The following WWOX variants were observed in gnomAD, a reference collection of about 807,000 sequenced individuals.
WWOX encodes WW domain containing oxidoreductase, also known as WW domain-containing oxidoreductase.
Under a neutral mutation model 46.2 loss-of-function variants are expected in WWOX, and 69 were observed. The observed-to-expected ratio is 1.49, with a 90% CI of 1.23 to 1.82. The LOEUF (loss-of-function observed/expected upper bound fraction) is 1.82. Ranked by LOEUF, WWOX falls within the 40% of genes most tolerant of loss-of-function variation. WWOX has a pLI of 0.00. For missense variants in WWOX, 919 were observed against 542.6 expected (o/e 1.69, Z -6.89); for synonymous variants, 359 against 202.6 (o/e 1.77, Z -6.56).
At chr16:78,100,043 G>C (rs547843051) in intron 1 of WWOX, 158 bp downstream of exon 1, 2 of 1,428,240 alleles carry the variant, frequency 1.4e-6, no homozygotes, top group Non-Finnish European at 1.8e-6. Flanking sequence ...AGGGTTCCCA[G>C]TAGGGGCCGG....
chr16:78,569,252 A>C (rs989992304), intron 8 of WWOX, among the ~76,000 whole-genome samples: 1 of 152,214 alleles, frequency 6.6e-6, no homozygotes, highest in East Asian at 1.9e-4. Context: ...TTGTCTCTCT[A>C]TATTGTTATT....
chr16:78,606,220 T>C (rs1335321891), intron 8 of WWOX, among the ~76,000 whole-genome samples: 1 of 152,214 alleles, frequency 6.6e-6, no homozygotes, highest in East Asian at 1.9e-4. Flanking sequence ...CATACTTCTT[T>C]TCAACAAAAA....
chr16:78,388,229 C>A (rs943231913), intron 6 of WWOX, among the ~76,000 whole-genome samples: 1 of 152,188 alleles, frequency 6.6e-6, no homozygotes, highest in Non-Finnish European at 1.5e-5. Flanking sequence ...TAGGGTTTCA[C>A]CATATTGGTC....
At chr16:78,492,861 T>G (rs995229898) in intron 8 of WWOX, among the ~76,000 whole-genome samples, 3 of 152,166 alleles carry the variant, frequency 2.0e-5, no homozygotes, top group Admixed American at 1.3e-4. Flanking sequence ...CCCTTGAGCC[T>G]GGAGACGGCA....
At chr16:79,124,662 G>T (rs1185254270) in intron 8 of WWOX, among the ~76,000 whole-genome samples, 1 of 152,202 alleles carries the variant, frequency 6.6e-6, no homozygotes, top group Non-Finnish European at 1.5e-5. Context: ...GCTGTTGATG[G>T]CAAGAAAAGA....
intron 8 of WWOX, among the ~76,000 whole-genome samples, chr16:79,207,478 C>G (rs1342826137): frequency 1.3e-5 from 2 of 152,216 alleles, no homozygotes; most frequent in African/African-American, 4.8e-5. Context: ...GGGTTCATTC[C>G]TTTCATAACT....
chr16:78,383,992 A>C (rs2082008903), intron 5 of WWOX, among the ~76,000 whole-genome samples: 1 of 152,178 alleles, frequency 6.6e-6, no homozygotes, highest in African/African-American at 2.4e-5. Flanking sequence ...AACCAAAAGA[A>C]AACTTAGCAG....
chr16:78,448,933 T>C (rs1215234533), intron 8 of WWOX, among the ~76,000 whole-genome samples: 1 of 152,236 alleles, frequency 6.6e-6, no homozygotes, highest in African/African-American at 2.4e-5. Flanking sequence ...TTGGGTCGGC[T>C]ATCTTGCTTC....
intron 8 of WWOX, among the ~76,000 whole-genome samples, chr16:78,666,843 A>C (rs932813602): frequency 2.0e-5 from 3 of 152,244 alleles, no homozygotes; most frequent in African/African-American, 7.2e-5. Flanking sequence ...CATGCCATGC[A>C]GCGTTCTACG....
intron 5 of WWOX, among the ~76,000 whole-genome samples, chr16:78,239,995 TGG>T (rs201635808): frequency 3.8e-4 from 33 of 86,044 alleles, no homozygotes; most frequent in African/African-American, 1.5e-3. Flanking sequence ...GCTGTCAGTG[TGG>T]GTGTGAGTTG....
Position 78,261,788 on chromosome 16 carries a change from C to CTAGAGATATATATATATA in WWOX, c.516+97501_516+97502insGAGATATATATATATATA, listed in dbSNP as rs1491587303. ...TCTATCTATGTATCTATCTATCTAT[C>CTAGAGATATATATATATA]TATATATATATATATATATATATAT... On this transcript the variant is annotated intron_variant, in intron 5 of 8. Transcript: ENST00000566780. 3.0e-3 allele frequency among the ~76,000 whole-genome samples: 223 copies of CTAGAGATATATATATATA among 73,718 alleles called. 3 individuals are homozygous for CTAGAGATATATATATATA. Among genetic ancestry groups the CTAGAGATATATATATATA allele is most frequent in the African/African-American group, 0.011 (195 of 17,422 alleles). The allele number at this position is 73,718 out of a possible 152,430, so 48.4% of individuals were successfully genotyped here.
At chr16:78,837,772 T>A (rs972078536) in intron 8 of WWOX, among the ~76,000 whole-genome samples, 4 of 152,234 alleles carry the variant, frequency 2.6e-5, no homozygotes, top group African/African-American at 9.6e-5. Flanking sequence ...ACCATCTATC[T>A]ATACTTCCTA....
At chr16:79,208,131 C>T (rs921712303) in intron 8 of WWOX, among the ~76,000 whole-genome samples, 8 of 152,150 alleles carry the variant, frequency 5.3e-5, no homozygotes, top group African/African-American at 1.4e-4. Context: ...AAACAAGAGT[C>T]CTGGGTAATT....
intron 5 of WWOX, among the ~76,000 whole-genome samples, chr16:78,208,070 C>T (rs575736990): frequency 1.1e-4 from 16 of 152,190 alleles, no homozygotes; most frequent in Non-Finnish European, 2.1e-4. Context: ...GCCTTGGCTT[C>T]CCAAAATGCT....
intron 8 of WWOX, among the ~76,000 whole-genome samples, chr16:78,439,951 G>A (rs2083409680): frequency 6.6e-6 from 1 of 152,296 alleles, no homozygotes; most frequent in East Asian, 1.9e-4. Context: ...AAGAGACAGA[G>A]CATTCTGCTT....
At chr16:78,574,119 C>A (rs553830814) in intron 8 of WWOX, among the ~76,000 whole-genome samples, 9 of 152,322 alleles carry the variant, frequency 5.9e-5, no homozygotes, top group African/African-American at 2.2e-4. Flanking sequence ...TACCCCTCAG[C>A]TCCTAGAGGC....
rs960425631 is a variant in WWOX, at chr16:78,856,260, G to T, written c.1057-355348G>T. On this transcript the variant is annotated intron_variant, in intron 8 of 8. Transcript: ENST00000566780. ...TGCGTTGGAAAGGGCCTTGCAACAGGCCTGGACGTTGTTTGTAGGCAAGTA... is the reference window on the plus strand; with the variant it reads ...TGCGTTGGAAAGGGCCTTGCAACAGTCCTGGACGTTGTTTGTAGGCAAGTA... 3.3e-5 allele frequency among the ~76,000 whole-genome samples: 5 copies of T among 152,200 alleles called. No homozygotes were observed. The South Asian group carries it at 1.0e-3, about 31-fold the overall frequency.
At chr16:78,382,571 C>A (rs1277826492) in intron 5 of WWOX, among the ~76,000 whole-genome samples, 1 of 152,120 alleles carries the variant, frequency 6.6e-6, no homozygotes, top group South Asian at 2.1e-4. Flanking sequence ...GAATTCAGCC[C>A]ACGTCTTACT....
chr16:79,176,530 C>T (rs1204103962), intron 8 of WWOX, among the ~76,000 whole-genome samples: 1 of 152,196 alleles, frequency 6.6e-6, no homozygotes, highest in African/African-American at 2.4e-5. Flanking sequence ...TTAGCATCTG[C>T]AGTCTCTGGT....
Sources: allele counts gnomAD v4.1 joint callset (sites outside exome capture counted in the v4.1 genomes callset), GRCh38; gene constraint gnomAD v4.1.1; transcripts MANE v1.5; gene names NCBI Gene and HGNC (gene_info 2026-07-23, HGNC 2026-07-21).